Variants in NXPH1 observed in about 807,000 individuals in gnomAD.
NXPH1 encodes the protein neurexophilin 1, also known as neurexophilin-1.
Under a neutral mutation model 23.7 loss-of-function variants are expected in NXPH1, and 5 were observed. That is an observed-to-expected ratio of 0.21 (90% CI 0.11 to 0.44). The LOEUF (loss-of-function observed/expected upper bound fraction) is 0.44, where lower values mean the gene tolerates loss of function less well. Ranked by LOEUF, NXPH1 falls within the 20% of genes least tolerant of loss-of-function variation. The pLI, the probability that NXPH1 is intolerant of heterozygous loss-of-function variation, is 0.99. For synonymous variants in NXPH1, 144 were observed against 122.2 expected (o/e 1.18, Z -1.18); for missense variants, 324 against 321.6 (o/e 1.01, Z -0.06).
intron 2 of NXPH1, among the ~76,000 whole-genome samples, chr7:8,702,990 C>T (rs2115190884): frequency 6.6e-6 from 1 of 152,204 alleles, no homozygotes; most frequent in East Asian, 1.9e-4. Flanking sequence ...ATTAGATGGC[C>T]TCCTGTTAGT....
In NXPH1 at chr7:8,735,520, G is replaced by C. The variant is rs548298936; in HGVS notation, c.55-15488G>C. Among the ~76,000 whole-genome samples the C allele has an allele frequency of 6.6e-5, 10 of 152,282 alleles. No individual in the cohort carries two copies. The East Asian group carries it at 1.9e-3, about 29-fold the overall frequency. On this transcript the variant is annotated intron_variant, in intron 2 of 2. Transcript: ENST00000405863. ...TCATGGTGGATAAGCTTTTGGATGTGCTGCTGCATTTGGTTTGCCAGTATT... is the reference window on the plus strand; with the variant it reads ...TCATGGTGGATAAGCTTTTGGATGTCCTGCTGCATTTGGTTTGCCAGTATT...
At chr7:8,445,121 T>C (rs566531820) in intron 2 of NXPH1, among the ~76,000 whole-genome samples, 4 of 152,366 alleles carry the variant, frequency 2.6e-5, no homozygotes, top group Non-Finnish European at 4.4e-5. Flanking sequence ...TTTATATTTA[T>C]GTAGCATGCT....
intron 2 of NXPH1, among the ~76,000 whole-genome samples, chr7:8,469,460 A>G (rs1454604938): frequency 6.6e-6 from 1 of 152,080 alleles, no homozygotes; most frequent in African/African-American, 2.4e-5. Flanking sequence ...GGATCTAATG[A>G]CAGAGAGCGT....
rs1241474368 is a variant in NXPH1 at position 8,562,894 on chromosome 7, A to G, written c.54+127127A>G. On this transcript the variant is annotated intron_variant, in intron 2 of 2. Coordinates refer to ENST00000405863, the MANE Select transcript of NXPH1 (RefSeq NM_152745.3). ...GACATATACTTTTTCTGAATTTCCTAATTTAAAAAATGACATGTATTATCT... is the reference window on the plus strand; with the variant it reads ...GACATATACTTTTTCTGAATTTCCTGATTTAAAAAATGACATGTATTATCT... Among the ~76,000 whole-genome samples, 4 of 150,726 alleles carry G rather than the reference A, an allele frequency of 2.7e-5. No individual in the cohort carries two copies. In the East Asian group the frequency reaches 7.8e-4, roughly 29 times the overall value.
chr7:8,691,844 A>AC (rs1821226381), intron 2 of NXPH1, among the ~76,000 whole-genome samples: 1 of 152,200 alleles, frequency 6.6e-6, no homozygotes, highest in African/African-American at 2.4e-5. Context: ...CAGTTTATAA[A>AC]CCATCAGAGA....
At chr7:8,477,848 C>G (rs1472568291) in intron 2 of NXPH1, among the ~76,000 whole-genome samples, 1 of 152,090 alleles carries the variant, frequency 6.6e-6, no homozygotes, top group African/African-American at 2.4e-5. Flanking sequence ...AGATTGAGAA[C>G]CACGTAAGCT....
intron 2 of NXPH1, among the ~76,000 whole-genome samples, chr7:8,525,537 T>G (rs1355723354): frequency 6.6e-6 from 1 of 152,112 alleles, no homozygotes; most frequent in African/African-American, 2.4e-5. Context: ...GTCAGATAAC[T>G]TCACCGCGGT....
intron 2 of NXPH1, among the ~76,000 whole-genome samples, chr7:8,591,012 T>C (rs1297812839): frequency 6.6e-6 from 1 of 152,076 alleles, no homozygotes; most frequent in African/African-American, 2.4e-5. Context: ...AAAGTGCTCA[T>C]GCAGTTTCAG....
intron 2 of NXPH1, among the ~76,000 whole-genome samples, chr7:8,473,537 TCC>T (rs1015298481): frequency 2.6e-4 from 40 of 152,132 alleles, no homozygotes; most frequent in African/African-American, 9.4e-4. Flanking sequence ...TTGGAGGTTT[TCC>T]ATGTAACTTA....
intron 2 of NXPH1, among the ~76,000 whole-genome samples, chr7:8,498,438 T>C (rs1387519504): frequency 6.6e-6 from 1 of 152,050 alleles, no homozygotes; most frequent in Non-Finnish European, 1.5e-5. Context: ...AGTCCCTCTA[T>C]TTTTTCCCCC....
intron 2 of NXPH1, among the ~76,000 whole-genome samples, chr7:8,438,896 G>A (rs1421207297): frequency 6.6e-6 from 1 of 152,100 alleles, no homozygotes; most frequent in Non-Finnish European, 1.5e-5. Context: ...ACTTTAATGG[G>A]AAACTAATTA....
chr7:8,665,475 T>C (rs1820745807), intron 2 of NXPH1, among the ~76,000 whole-genome samples: 1 of 152,090 alleles, frequency 6.6e-6, no homozygotes, highest in East Asian at 1.9e-4. Context: ...TTCTTTTTGT[T>C]CAAGATTGCT....
rs142151926 is a variant in NXPH1, at chr7:8,556,494, C to T, written c.54+120727C>T. ...ATTTCTCTTCATGTGGGCCCCTCCA[C>T]CAGGTTACTTGTGCTTTCTTACAGA... On this transcript the variant is annotated intron_variant, in intron 2 of 2. Transcript: ENST00000405863. Among the ~76,000 whole-genome samples, 1,055 of 151,760 alleles carry T rather than the reference C, an allele frequency of 7.0e-3. 2 individuals are homozygous for T. The highest frequency in any genetic ancestry group is 9.9e-3 in the Non-Finnish European group (671 of 67,734).
At chr7:8,454,183 C>T (rs896010143) in intron 2 of NXPH1, among the ~76,000 whole-genome samples, 1 of 151,998 alleles carries the variant, frequency 6.6e-6, no homozygotes, top group South Asian at 2.1e-4. Flanking sequence ...TAAAACAACT[C>T]CCCATGACAC....
intron 2 of NXPH1, among the ~76,000 whole-genome samples, chr7:8,507,903 AGT>A (rs1480701642): frequency 6.6e-6 from 1 of 152,128 alleles, no homozygotes; most frequent in Non-Finnish European, 1.5e-5. Flanking sequence ...AAACAGCCAG[AGT>A]GTTCTATTGA....
At chr7:8,712,230 G>A (rs1779809585) in intron 2 of NXPH1, among the ~76,000 whole-genome samples, 2 of 151,518 alleles carry the variant, frequency 1.3e-5, no homozygotes, top group Non-Finnish European at 3.0e-5. Flanking sequence ...TTAATTTCAG[G>A]ATCAGTTTTC....
At chr7:8,552,031 T>A (rs972438768) in intron 2 of NXPH1, among the ~76,000 whole-genome samples, 7 of 150,584 alleles carry the variant, frequency 4.6e-5, no homozygotes, top group Non-Finnish European at 1.0e-4. Flanking sequence ...GTCTGTACTT[T>A]TCAGAAATTA....
chr7:8,564,556 G>T (rs1480175237), intron 2 of NXPH1, among the ~76,000 whole-genome samples: 1 of 151,740 alleles, frequency 6.6e-6, no homozygotes. Context: ...CTGCCATCTC[G>T]GTTAGTAAAC....
At chr7:8,679,245 C>A (rs778331116) in intron 2 of NXPH1, among the ~76,000 whole-genome samples, 7 of 152,036 alleles carry the variant, frequency 4.6e-5, no homozygotes, top group Non-Finnish European at 1.0e-4. Flanking sequence ...CCGCGCCCAG[C>A]CTGCTTTATC....
Sources: gnomAD v4.1 joint callset for allele counts (sites outside exome capture counted in the v4.1 genomes callset) on GRCh38, gnomAD v4.1.1 for gene constraint, MANE v1.5 for transcripts, NCBI Gene and HGNC (gene_info 2026-07-23, HGNC 2026-07-21) for gene names.